Variants in TLCD4 observed in about 807,000 individuals in gnomAD.
TLCD4 encodes the protein TLC domain containing 4.
Under a neutral mutation model 24.2 loss-of-function variants are expected in TLCD4, and 7 were observed. The ratio of observed to expected loss-of-function variants is 0.29; its 90% CI spans 0.16 to 0.54. The LOEUF is 0.54. TLCD4 is among the 20% of genes least tolerant of loss of function. The pLI is 0.95. For synonymous variants in TLCD4, 103 were observed against 106.4 expected (o/e 0.97, Z 0.20); for missense variants, 259 against 313.9 (o/e 0.82, Z 1.32).
chr1:95,182,049 G>A (rs1030433566), intron 6 of TLCD4, among the ~76,000 whole-genome samples: 9 of 152,070 alleles, frequency 5.9e-5, no homozygotes, highest in South Asian at 2.1e-4. Flanking sequence ...AAATATCACC[G>A]CAGATCTCAT....
At chr1:95,106,564 A>G in the TLCD4 span, among the ~76,000 whole-genome samples, 3 of 152,056 alleles carry the variant, frequency 2.0e-5, no homozygotes, top group Non-Finnish European at 4.4e-5. Flanking sequence ...GTAGTAGTGC[A>G]TGCCTGTGGT....
intron 5 of TLCD4, among the ~76,000 whole-genome samples, chr1:95,156,242 T>C (rs1259257060): frequency 6.6e-6 from 1 of 152,152 alleles, no homozygotes; most frequent in African/African-American, 2.4e-5. Context: ...CCTTCAAAAA[T>C]ATGCATATTT....
intron 1 of TLCD4, among the ~76,000 whole-genome samples, chr1:95,123,205 A>C (rs1197553821): frequency 6.6e-6 from 1 of 152,194 alleles, no homozygotes; most frequent in Non-Finnish European, 1.5e-5. Context: ...AATGCTTTGT[A>C]ATTTGTTACA....
chr1:95,095,144 A>T, the TLCD4 span, among the ~76,000 whole-genome samples: 5 of 152,264 alleles, frequency 3.3e-5, no homozygotes, highest in Non-Finnish European at 5.9e-5. Context: ...AATAAATGTC[A>T]TGATTGCCTT....
the TLCD4 span, among the ~76,000 whole-genome samples, chr1:95,111,401 TATTA>T: frequency 3.3e-5 from 5 of 152,162 alleles, no homozygotes; most frequent in African/African-American, 7.2e-5. Context: ...CCCTTTCTGT[TATTA>T]ATTATTTTCA....
intron 5 of TLCD4, among the ~76,000 whole-genome samples, chr1:95,151,954 T>C (rs1677505489): frequency 1.3e-5 from 2 of 152,118 alleles, no homozygotes; most frequent in Admixed American, 1.3e-4. Context: ...AATTTCTACA[T>C]ATACATATGT....
chr1:95,136,995 G>A (rs1485837810), intron 1 of TLCD4, among the ~76,000 whole-genome samples: 1 of 152,104 alleles, frequency 6.6e-6, no homozygotes, highest in Non-Finnish European at 1.5e-5. Flanking sequence ...ACCATTCAGG[G>A]CTGGTACATG....
At position 95,148,771 on chromosome 1, in the gene TLCD4, T is replaced by G; in HGVS notation, c.225T>G (p.Ala75=). The G allele has an allele frequency of 6.2e-7, 1 of 1,613,628 alleles. No homozygotes were observed. The highest frequency in any genetic ancestry group is 8.5e-7 in the Non-Finnish European group (1 of 1,179,752). ...FGLYIFLFDE[A]TKADPLWGGP... ...TGTACATTTTCTTATTCGATGAGGC[T>G]ACTAAAGCTGATCCACTTTGGTAAG... is the stretch of plus-strand genomic sequence containing the variant. Residue 75 remains alanine, a synonymous_variant, in exon 3 of 7, where the codon GCT becomes GCG. Transcript: ENST00000370203.
At chr1:95,096,520 C>T in the TLCD4 span, among the ~76,000 whole-genome samples, 1 of 152,112 alleles carries the variant, frequency 6.6e-6, no homozygotes, top group African/African-American at 2.4e-5. Flanking sequence ...ATAGATTGTG[C>T]CAAAATAGTC....
rs1361528685 is a variant in TLCD4 at position 95,148,897 on chromosome 1, T to C, written c.245+106T>C. ...AAACAGAAAACATATTGATCGTATA[T>C]GCCTTATTAAAATGCTTGTGCTCAG... On this transcript the variant is annotated intron_variant, in intron 3 of 6. Coordinates refer to ENST00000370203, the MANE Select transcript of TLCD4 (RefSeq NM_152487.3). 2.9e-6 allele frequency: 4 copies of C among 1,364,076 alleles called. No individual in the cohort carries two copies. The East Asian group carries it at 1.0e-4, about 34-fold the overall frequency. 84.5% of individuals were successfully genotyped at this position (1,364,076 alleles called of 1,614,324 possible). A position where few individuals can be genotyped will look rare whatever the true frequency, so the allele number is the denominator to read the frequency against.
At chr1:95,148,885 A>G in intron 3 of TLCD4, 94 bp downstream of exon 3, 1 of 1,479,936 alleles carries the variant, frequency 6.8e-7, no homozygotes, top group South Asian at 1.3e-5. Context: ...CAGAAAACAT[A>G]TTGATCGTAT....
the TLCD4 span, among the ~76,000 whole-genome samples, chr1:95,105,898 A>C: frequency 6.7e-6 from 1 of 149,418 alleles, no homozygotes; most frequent in Non-Finnish European, 1.5e-5. Flanking sequence ...CCGTCTTAAA[A>C]AAAAAAAAAA....
At chr1:95,092,911 G>A in the TLCD4 span, among the ~76,000 whole-genome samples, 1 of 152,092 alleles carries the variant, frequency 6.6e-6, no homozygotes. Flanking sequence ...GCTACTTTTT[G>A]TATTTTTAGT....
intron 6 of TLCD4, among the ~76,000 whole-genome samples, chr1:95,176,089 T>C (rs959615956): frequency 3.3e-5 from 5 of 152,116 alleles, no homozygotes; most frequent in Non-Finnish European, 5.9e-5. Flanking sequence ...CATGCGGTTT[T>C]GATCTACATT....
At chr1:95,138,919 G>A (rs971809680) in intron 1 of TLCD4, among the ~76,000 whole-genome samples, 5 of 151,708 alleles carry the variant, frequency 3.3e-5, no homozygotes, top group Non-Finnish European at 7.4e-5. Context: ...TAGGCATGGT[G>A]GCTCATACCT....
At chr1:95,145,700 G>A (rs1677325233) in intron 2 of TLCD4, among the ~76,000 whole-genome samples, 1 of 152,080 alleles carries the variant, frequency 6.6e-6, no homozygotes, top group Non-Finnish European at 1.5e-5. Flanking sequence ...GGTTAGGATA[G>A]GTAAAGGCAT....
At chr1:95,148,099 A>G (rs1677397419) in intron 2 of TLCD4, among the ~76,000 whole-genome samples, 1 of 152,208 alleles carries the variant, frequency 6.6e-6, no homozygotes, top group African/African-American at 2.4e-5. Flanking sequence ...CATAATAATG[A>G]TAAAGAGGGA....
intron 1 of TLCD4, among the ~76,000 whole-genome samples, chr1:95,122,880 A>G (rs996771298): frequency 6.6e-6 from 1 of 152,220 alleles, no homozygotes; most frequent in Non-Finnish European, 1.5e-5. Flanking sequence ...ATCTGTATTT[A>G]GTGGAATGGG....
chr1:95,144,393 A>G lies in TLCD4; in HGVS notation c.155+337A>G, dbSNP rs536940034. On this transcript the variant is annotated intron_variant, in intron 2 of 6. Transcript: ENST00000370203. ...TTCTTTGGAAACAAAGATGGAAGAA[A>G]AAATTAGTTGTACTTTTGAGTAGCT... 7.7e-4 allele frequency among the ~76,000 whole-genome samples: 118 copies of G among 152,286 alleles called. 2 individuals carry two copies. The highest frequency in any genetic ancestry group is 1.4e-3 in the Non-Finnish European group (94 of 68,030).
Sources: gnomAD v4.1 joint callset for allele counts (sites outside exome capture counted in the v4.1 genomes callset) on GRCh38, gnomAD v4.1.1 for gene constraint, MANE v1.5 for transcripts, NCBI Gene and HGNC (gene_info 2026-07-23, HGNC 2026-07-21) for gene names.